The following TMEM135 variants were observed in gnomAD, a reference collection of about 807,000 sequenced individuals.
The protein encoded by TMEM135 is transmembrane protein 135, also known as peroxisomal membrane protein 52.
Under a neutral mutation model 60.3 loss-of-function variants are expected in TMEM135, and 30 were observed. The ratio of observed to expected loss-of-function variants is 0.50; its 90% CI spans 0.37 to 0.68. The LOEUF (loss-of-function observed/expected upper bound fraction) is 0.68. TMEM135 is among the 30% of genes least tolerant of loss of function. The pLI is 0.00. For missense variants in TMEM135, 468 were observed against 548.8 expected (o/e 0.85, Z 1.47); for synonymous variants, 190 against 186.7 (o/e 1.02, Z -0.14).
At chr11:87,134,722 G>C (rs1938043597) in intron 4 of TMEM135, among the ~76,000 whole-genome samples, 1 of 152,184 alleles carries the variant, frequency 6.6e-6, no homozygotes, top group African/African-American at 2.4e-5. Context: ...CTGGACTCAA[G>C]TGACCCTCCC....
At chr11:87,235,523 T>G (rs1940977128) in intron 5 of TMEM135, among the ~76,000 whole-genome samples, 1 of 151,974 alleles carries the variant, frequency 6.6e-6, no homozygotes, top group Admixed American at 6.6e-5. Context: ...CTACCATGCT[T>G]TCATCAGGTT....
chr11:87,284,148 T>C (rs1942120615), intron 6 of TMEM135, among the ~76,000 whole-genome samples: 2 of 152,208 alleles, frequency 1.3e-5, no homozygotes, highest in Non-Finnish European at 2.9e-5. Context: ...ATAGTTAATT[T>C]GTTAAGTCTG....
chr11:87,236,530 C>T, intron 5 of TMEM135, 108 bp from the exon 6 acceptor site: 1 of 918,606 alleles, frequency 1.1e-6, no homozygotes, highest in Middle Eastern at 2.5e-4. Context: ...GTTTGTATAT[C>T]CTTTTATTGT....
At chr11:87,097,155 C>T (rs944267213) in intron 4 of TMEM135, among the ~76,000 whole-genome samples, 1 of 152,132 alleles carries the variant, frequency 6.6e-6, no homozygotes, top group Non-Finnish European at 1.5e-5. Flanking sequence ...CACTGCCATG[C>T]CTGGCTAATT....
chr11:87,098,890 A>G (rs1372947887), intron 4 of TMEM135, among the ~76,000 whole-genome samples: 1 of 151,972 alleles, frequency 6.6e-6, no homozygotes, highest in African/African-American at 2.4e-5. Flanking sequence ...GGGTTTCACC[A>G]TGTCAGCCAG....
At chr11:87,221,796 A>T (rs1224275810) in intron 5 of TMEM135, among the ~76,000 whole-genome samples, 1 of 152,192 alleles carries the variant, frequency 6.6e-6, no homozygotes. Flanking sequence ...TTTACTGTTG[A>T]AACAAAGCTA....
At chr11:87,049,655 G>C (rs993242476) in intron 1 of TMEM135, among the ~76,000 whole-genome samples, 6 of 106,420 alleles carry the variant, frequency 5.6e-5, no homozygotes, top group South Asian at 3.4e-4. Context: ...GGAGCACCCA[G>C]ATTCATAAAG....
chr11:87,303,383 C>T (rs546065092), intron 8 of TMEM135, among the ~76,000 whole-genome samples: 6 of 152,284 alleles, frequency 3.9e-5, no homozygotes, highest in East Asian at 1.9e-4. Context: ...AATTCTCTTC[C>T]GTGAAACCGG....
At chr11:87,078,540 G>C (rs534415849) in intron 3 of TMEM135, among the ~76,000 whole-genome samples, 77 of 152,122 alleles carry the variant, frequency 5.1e-4, no homozygotes, top group African/African-American at 1.8e-3. Flanking sequence ...TCACTTCATT[G>C]ATCTTGTCTT....
intron 5 of TMEM135, among the ~76,000 whole-genome samples, chr11:87,214,474 C>T (rs772415353): frequency 6.1e-4 from 93 of 152,026 alleles, no homozygotes; most frequent in Admixed American, 4.8e-3. Context: ...TGGGAAGTTA[C>T]ATCTTTTTAG....
chr11:87,306,264 G>T (rs1171511286), intron 9 of TMEM135, among the ~76,000 whole-genome samples: 4 of 152,062 alleles, frequency 2.6e-5, no homozygotes, highest in Admixed American at 2.6e-4. Flanking sequence ...TGATATAGAA[G>T]ATAAGATGGG....
intron 5 of TMEM135, 144 bp from the exon 6 acceptor site, chr11:87,236,494 T>C: frequency 1.4e-6 from 1 of 727,234 alleles, no homozygotes; most frequent in South Asian, 1.6e-5. Flanking sequence ...TATGAAAGGT[T>C]GAGGAATATG....
intron 4 of TMEM135, among the ~76,000 whole-genome samples, chr11:87,101,426 T>A (rs994055923): frequency 3.9e-5 from 6 of 152,232 alleles, no homozygotes; most frequent in African/African-American, 1.4e-4. Context: ...TGATGTCAAA[T>A]GTAGTTAGTT....
intron 4 of TMEM135, among the ~76,000 whole-genome samples, chr11:87,124,692 T>C (rs1157141853): frequency 2.0e-5 from 3 of 152,182 alleles, no homozygotes; most frequent in Non-Finnish European, 4.4e-5. Flanking sequence ...AAATCTTTCC[T>C]CTATGTTAGG....
intron 4 of TMEM135, among the ~76,000 whole-genome samples, chr11:87,113,601 A>G (rs1446708719): frequency 2.0e-5 from 3 of 152,114 alleles, no homozygotes; most frequent in African/African-American, 4.8e-5. Flanking sequence ...GAAAGCATGG[A>G]AGAGTGGAAA....
At chr11:87,193,132 A>G (rs542206434) in intron 5 of TMEM135, among the ~76,000 whole-genome samples, 3 of 151,956 alleles carry the variant, frequency 2.0e-5, no homozygotes, top group African/African-American at 7.2e-5. Flanking sequence ...TTTTTTGTGT[A>G]TTCATTTCTT....
chr11:87,295,246 T>C (rs1942329462), intron 6 of TMEM135, among the ~76,000 whole-genome samples: 1 of 152,216 alleles, frequency 6.6e-6, no homozygotes, highest in African/African-American at 2.4e-5. Context: ...AACTCTGTTC[T>C]TCATGCTCTG....
At chr11:87,119,115 T>G (rs2135210879) in intron 4 of TMEM135, among the ~76,000 whole-genome samples, 1 of 152,374 alleles carries the variant, frequency 6.6e-6, no homozygotes, top group African/African-American at 2.4e-5. Flanking sequence ...CTCTGGCCTA[T>G]CTTGGCTTTC....
intron 6 of TMEM135, among the ~76,000 whole-genome samples, chr11:87,285,134 A>G (rs369061978): frequency 1.3e-5 from 2 of 152,348 alleles, no homozygotes; most frequent in East Asian, 3.9e-4. Flanking sequence ...TCGTATGATA[A>G]GCAAGCATCA....
Sources: allele counts gnomAD v4.1 joint callset (sites outside exome capture counted in the v4.1 genomes callset), GRCh38; gene constraint gnomAD v4.1.1; transcripts MANE v1.5; gene names NCBI Gene and HGNC (gene_info 2026-07-23, HGNC 2026-07-21).